The following MTSS1 variants were observed in gnomAD, a reference collection of about 807,000 sequenced individuals.
MTSS1 encodes protein MTSS 1.
Under a neutral mutation model 79.0 loss-of-function variants are expected in MTSS1, and 18 were observed. That is an observed-to-expected ratio of 0.23 (90% CI 0.16 to 0.34). The LOEUF (loss-of-function observed/expected upper bound fraction) is 0.34. Ranked by LOEUF, MTSS1 falls within the 10% of genes least tolerant of loss-of-function variation. The probability of loss-of-function intolerance (pLI) is 1.00; values close to 1 mark genes in which losing one functional copy is unlikely to be tolerated. For synonymous variants in MTSS1, 341 were observed against 368.6 expected, an observed-to-expected ratio of 0.93 and a Z score of 0.86; for missense variants, 815 against 986.2, an observed-to-expected ratio of 0.83 and a Z score of 2.33.
chr8:124,586,333 C>T (rs1830849422), intron 5 of MTSS1, among the ~76,000 whole-genome samples: 1 of 152,208 alleles, frequency 6.6e-6, no homozygotes, highest in African/African-American at 2.4e-5. Context: ...ATCTTCCCTG[C>T]CTATCTGCAC....
intron 1 of MTSS1, among the ~76,000 whole-genome samples, chr8:124,712,107 T>C (rs1054371643): frequency 3.3e-5 from 5 of 152,022 alleles, no homozygotes; most frequent in African/African-American, 1.2e-4. Context: ...CTGTTGGCAC[T>C]TGTGGTATGA....
At chr8:124,673,037 C>T (rs563217239) in intron 3 of MTSS1, among the ~76,000 whole-genome samples, 13 of 152,160 alleles carry the variant, frequency 8.5e-5, no homozygotes, top group Non-Finnish European at 1.9e-4. Flanking sequence ...TCAGGGTAAC[C>T]CCAAGCTTGC....
intron 9 of MTSS1, 40 bp from the exon 10 acceptor site, chr8:124,563,032 G>T (rs1416182096): frequency 6.5e-7 from 1 of 1,536,150 alleles, no homozygotes; most frequent in Admixed American, 1.9e-5. Context: ...GGCACGGAAG[G>T]TAAAGAAAGG....
At chr8:124,614,490 T>C (rs947274181) in intron 3 of MTSS1, among the ~76,000 whole-genome samples, 1 of 152,242 alleles carries the variant, frequency 6.6e-6, no homozygotes, top group African/African-American at 2.4e-5. Flanking sequence ...AAACCATCTC[T>C]GATTTCCAAA....
At chr8:124,681,797 A>G (rs1340083012) in intron 3 of MTSS1, among the ~76,000 whole-genome samples, 4 of 152,194 alleles carry the variant, frequency 2.6e-5, no homozygotes, top group Non-Finnish European at 5.9e-5. Context: ...CGTCTCAACA[A>G]AATAAAACAA....
chr8:124,626,686 G>C (rs150768173), intron 3 of MTSS1, among the ~76,000 whole-genome samples: 3,144 of 152,028 alleles, frequency 0.021, 54 homozygotes, highest in South Asian at 0.044. Context: ...AGGTGCACCC[G>C]GTCATGGGAA....
At chr8:124,586,535 C>A (rs754881747) in intron 5 of MTSS1, among the ~76,000 whole-genome samples, 5 of 152,182 alleles carry the variant, frequency 3.3e-5, no homozygotes, top group Admixed American at 2.0e-4. Flanking sequence ...CCTCCCTCCC[C>A]CTACAAGCTC....
At chr8:124,691,964 A>G (rs771062352) in intron 3 of MTSS1, among the ~76,000 whole-genome samples, 9 of 152,164 alleles carry the variant, frequency 5.9e-5, no homozygotes, top group Non-Finnish European at 1.3e-4. Context: ...GTTTGAGGCT[A>G]AAGAGTTTGG....
intron 3 of MTSS1, among the ~76,000 whole-genome samples, chr8:124,611,106 A>AC (rs750490897): frequency 0.21 from 19,653 of 94,164 alleles, 2,851 homozygotes; most frequent in African/African-American, 0.34. Context: ...CACCAGACAG[A>AC]CCCCCCCCCC....
intron 3 of MTSS1, among the ~76,000 whole-genome samples, chr8:124,643,024 C>A (rs1053365618): frequency 6.6e-6 from 1 of 152,150 alleles, no homozygotes; most frequent in African/African-American, 2.4e-5. Context: ...AGTTCTCAAT[C>A]CATGGTAGCT....
chr8:124,598,192 G>A (rs1449298143), intron 3 of MTSS1, among the ~76,000 whole-genome samples: 1 of 152,140 alleles, frequency 6.6e-6, no homozygotes, highest in Non-Finnish European at 1.5e-5. Context: ...CCACTCAGGA[G>A]GCTGAGGTGA....
chr8:124,571,569 G>A (rs767574925), intron 6 of MTSS1, among the ~76,000 whole-genome samples: 5 of 152,148 alleles, frequency 3.3e-5, no homozygotes, highest in African/African-American at 7.2e-5. Context: ...CTCAACTCTC[G>A]TGTAGGATGG....
At position 124,662,242 on chromosome 8, in the gene MTSS1, A is replaced by G. The variant is rs561434022; in HGVS notation, c.208+37284T>C. Among the ~76,000 whole-genome samples the G allele has an allele frequency of 4.2e-4, 64 of 152,238 alleles. No homozygotes were observed. In the South Asian group the frequency reaches 4.6e-3, roughly 11 times the overall value. On this transcript the variant is annotated intron_variant, in intron 3 of 13. Coordinates refer to ENST00000518547, the MANE Select transcript of MTSS1 (RefSeq NM_014751.6). Reference sequence around the variant, plus strand: ...CACCACTCAGGAAGACCATAATCCAATGACAACTGAGAATGAATAGAAGCT... The same window carrying G: ...CACCACTCAGGAAGACCATAATCCAGTGACAACTGAGAATGAATAGAAGCT...
chr8:124,578,182 C>T (rs1829336710), intron 6 of MTSS1, among the ~76,000 whole-genome samples: 1 of 152,090 alleles, frequency 6.6e-6, no homozygotes, highest in Non-Finnish European at 1.5e-5. Flanking sequence ...TCCAGGAAGC[C>T]AGAGGCTGAG....
At chr8:124,702,402 T>C (rs1829830506) in intron 2 of MTSS1, among the ~76,000 whole-genome samples, 1 of 152,038 alleles carries the variant, frequency 6.6e-6, no homozygotes, top group South Asian at 2.1e-4. Context: ...TCTGATCCAG[T>C]AGAAAGTAAT....
intron 1 of MTSS1, among the ~76,000 whole-genome samples, chr8:124,720,408 T>C (rs1832734852): frequency 6.6e-6 from 1 of 152,214 alleles, no homozygotes; most frequent in South Asian, 2.1e-4. Flanking sequence ...TGGCCACTTT[T>C]GGTGGTTGCC....
chr8:124,651,993 A>G (rs1263907388), intron 3 of MTSS1, among the ~76,000 whole-genome samples: 1 of 152,020 alleles, frequency 6.6e-6, no homozygotes, highest in Non-Finnish European at 1.5e-5. Context: ...TCCAACTTCA[A>G]AACTCAGTTC....
At chr8:124,574,892 G>C (rs1828679911) in intron 6 of MTSS1, among the ~76,000 whole-genome samples, 1 of 152,078 alleles carries the variant, frequency 6.6e-6, no homozygotes, top group Non-Finnish European at 1.5e-5. Context: ...CATTCTAAGA[G>C]AGCCACTTTC....
intron 11 of MTSS1, among the ~76,000 whole-genome samples, chr8:124,557,337 AG>A (rs1824080314): frequency 6.6e-6 from 1 of 152,164 alleles, no homozygotes; most frequent in Non-Finnish European, 1.5e-5. Context: ...GGCCCCCGGG[AG>A]GGACCAACCC....
Sources: allele counts gnomAD v4.1 joint callset (sites outside exome capture counted in the v4.1 genomes callset), GRCh38; gene constraint gnomAD v4.1.1; transcripts MANE v1.5; gene names NCBI Gene and HGNC (gene_info 2026-07-23, HGNC 2026-07-21).